The following LRRC8C variants were observed in gnomAD, a reference collection of about 807,000 sequenced individuals.
LRRC8C encodes volume-regulated anion channel subunit LRRC8C.
A neutral mutation model predicts 55.3 loss-of-function variants in LRRC8C; 20 were observed. The observed-to-expected ratio is 0.36, with a 90% CI of 0.25 to 0.53. The LOEUF is 0.53. LRRC8C is among the 20% of genes least tolerant of loss of function. The pLI, the probability that LRRC8C is intolerant of heterozygous loss-of-function variation, is 0.92. For missense variants in LRRC8C, 659 were observed against 951.4 expected (o/e 0.69, Z 4.04); for synonymous variants, 376 against 360.7 (o/e 1.04, Z -0.48).
At chr1:89,659,023 A>T (rs971630715) in intron 1 of LRRC8C, among the ~76,000 whole-genome samples, 1 of 148,872 alleles carries the variant, frequency 6.7e-6, no homozygotes, top group African/African-American at 2.5e-5. Context: ...AGTTAATAGG[A>T]AATTTTAGGT....
Position 89,710,569 on chromosome 1 carries a change from C to T in LRRC8C, c.139-2140C>T, listed in dbSNP as rs374539367. On this transcript the variant is annotated intron_variant, in intron 2 of 2. Transcript: ENST00000370454. ...TGTTTGAAGACCACTGCTGAATTCT[C>T]ACATCTCAGTAGCCACCAAATCCTC... 2.0e-4 allele frequency among the ~76,000 whole-genome samples: 30 copies of T among 152,322 alleles called. 1 individual carries two copies. The East Asian group carries it at 5.2e-3, about 26-fold the overall frequency.
At chr1:89,672,612 CAGAA>C (rs1220120335) in intron 1 of LRRC8C, among the ~76,000 whole-genome samples, 2 of 152,150 alleles carry the variant, frequency 1.3e-5, no homozygotes, top group African/African-American at 4.8e-5. Context: ...CCTCTAGAAA[CAGAA>C]AGACCAAGGA....
chr1:89,705,657 C>T (rs1311241262), intron 2 of LRRC8C, among the ~76,000 whole-genome samples: 1 of 151,594 alleles, frequency 6.6e-6, no homozygotes, highest in Non-Finnish European at 1.5e-5. Flanking sequence ...GGTGCAGGCC[C>T]GTGGTCCCAG....
intron 1 of LRRC8C, among the ~76,000 whole-genome samples, chr1:89,682,130 T>C (rs1283216179): frequency 6.6e-6 from 1 of 152,124 alleles, no homozygotes; most frequent in African/African-American, 2.4e-5. Flanking sequence ...TGAGCCGAGA[T>C]CGCGCCATTG....
At chr1:89,623,954 G>T in the LRRC8C span, among the ~76,000 whole-genome samples, 1 of 152,178 alleles carries the variant, frequency 6.6e-6, no homozygotes, top group South Asian at 2.1e-4. Context: ...TGGGATGGTG[G>T]TATAAGACGT....
intron 1 of LRRC8C, among the ~76,000 whole-genome samples, chr1:89,654,801 C>G (rs1357738664): frequency 6.6e-6 from 1 of 150,724 alleles, no homozygotes. Context: ...CTTTTAGGAT[C>G]TTCTCATTAT....
chr1:89,711,155 TAGA>T (rs1259087148), intron 2 of LRRC8C, among the ~76,000 whole-genome samples: 1 of 152,218 alleles, frequency 6.6e-6, no homozygotes, highest in Admixed American at 6.5e-5. Context: ...AACCCTGAAC[TAGA>T]AGGACTATTG....
chr1:89,650,069 T>C lies in LRRC8C; in HGVS notation c.-5+16747T>C, dbSNP rs542804268. On this transcript the variant is annotated intron_variant, in intron 1 of 2. Coordinates refer to ENST00000370454, the MANE Select transcript of LRRC8C (RefSeq NM_032270.5). Reference sequence around the variant, plus strand: ...ATATAGAACACTGTAAGTAACTGTTTACAGACACAGACAATTGTACAGGAA... The same window carrying C: ...ATATAGAACACTGTAAGTAACTGTTCACAGACACAGACAATTGTACAGGAA... Among the ~76,000 whole-genome samples, 9 of 152,314 alleles carry C rather than the reference T, an allele frequency of 5.9e-5. 1 individual carries two copies. In the South Asian group the frequency reaches 1.9e-3, roughly 32 times the overall value.
Position 89,713,949 on chromosome 1 carries a change from C to T in LRRC8C, c.1379C>T (p.Pro460Leu). ...KLEIIKNVMI[P>L]ATIAQLDNLQ... ...GAAATCATTAAGAACGTAATGATAC[C>T]AGCCACCATTGCACAGCTAGACAAT... Residue 460 changes from proline to leucine, a missense_variant, in exon 3 of 3, where the codon CCA becomes CTA. By Grantham distance (98) the Pro-to-Leu change is moderately conservative (BLOSUM62 -3). Transcript: ENST00000370454. This position sits in a 1 kb window ranked among gnomAD's most constrained non-coding sequence, Gnocchi z 5.2. 6.2e-7 allele frequency: 1 copy of T among 1,613,736 alleles called. No homozygotes were observed. Among genetic ancestry groups the T allele is most frequent in the Non-Finnish European group, 8.5e-7 (1 of 1,179,996 alleles).
chr1:89,716,131 C>G lies in LRRC8C; in HGVS notation c.*1149C>G, dbSNP rs547138335. The G allele has an allele frequency of 6.6e-6, 1 of 152,044 alleles. No homozygotes were observed. The highest frequency in any genetic ancestry group is 2.1e-4 in the South Asian group (1 of 4,826). The allele number at this position is 152,044 out of a possible 1,614,324, so 9.4% of individuals were successfully genotyped here. A position where few individuals can be genotyped will look rare whatever the true frequency, so the allele number is the denominator to read the frequency against. ...TGTCATTATTCCCTAAACAATACAG[C>G]GTAACAACTATTTAAATAGGATTTA... On this transcript the variant is annotated 3_prime_UTR_variant, in exon 3 of 3. Coordinates refer to ENST00000370454, the MANE Select transcript of LRRC8C (RefSeq NM_032270.5).
intron 1 of LRRC8C, among the ~76,000 whole-genome samples, chr1:89,678,559 G>A (rs879506998): frequency 6.6e-6 from 1 of 152,150 alleles, no homozygotes; most frequent in Non-Finnish European, 1.5e-5. Flanking sequence ...AATTAGCTGG[G>A]CATGGTGGTG....
chr1:89,659,480 C>T (rs896714200), intron 1 of LRRC8C, among the ~76,000 whole-genome samples: 11 of 152,174 alleles, frequency 7.2e-5, no homozygotes, highest in Middle Eastern at 3.4e-3. Context: ...CTTATAGTAC[C>T]TGGAGCCCAG....
chr1:89,708,180 C>A (rs1190827279), intron 2 of LRRC8C, among the ~76,000 whole-genome samples: 1 of 151,920 alleles, frequency 6.6e-6, no homozygotes, highest in Non-Finnish European at 1.5e-5. Flanking sequence ...CCTCCAAAGG[C>A]AGCTGAGAGT....
chr1:89,690,553 G>C (rs757426358), intron 2 of LRRC8C, among the ~76,000 whole-genome samples: 10 of 143,930 alleles, frequency 6.9e-5, no homozygotes, highest in African/African-American at 9.9e-5. Flanking sequence ...AGGATGAAAA[G>C]AGAAAGAACA....
chr1:89,714,334 G>A lies in LRRC8C; in HGVS notation c.1764G>A (p.Met588Ile). The part of the protein sequence containing the change: ...KLVMLNNLKK[M>I]TNLTELELVH... ...TGATGCTCAACAACTTAAAGAAGAT[G>A]ACCAATCTGACAGAGCTGGAGCTGG... The change falls in exon 3 of 3, where the codon ATG becomes ATA. Residue 588 changes from methionine to isoleucine, a missense_variant. This residue lies in a region of LRRC8C where 344 missense variants were observed against 464.6 expected (regional missense o/e 0.74). Coordinates refer to ENST00000370454, the MANE Select transcript of LRRC8C (RefSeq NM_032270.5). The surrounding 1 kb of genome is among the most constrained non-coding windows in gnomAD (Gnocchi z 4.6). 1 of 1,614,122 alleles carries A rather than the reference G, an allele frequency of 6.2e-7. No homozygotes were observed. Among genetic ancestry groups the A allele is most frequent in the Non-Finnish European group, 8.5e-7 (1 of 1,180,036 alleles).
At chr1:89,707,153 T>C (rs1658503667) in intron 2 of LRRC8C, among the ~76,000 whole-genome samples, 1 of 138,848 alleles carries the variant, frequency 7.2e-6, no homozygotes, top group African/African-American at 2.8e-5. Context: ...ATGCCTGTAA[T>C]CCCAGCACTT....
In LRRC8C at chr1:89,685,174, A is replaced by G. The variant is rs569760757; in HGVS notation, c.-4-1296A>G. ...CCCAGCAGGCCGGACTGCGGACTGC[A>G]GTGGCGCAATCTCGGCTCACTGCAA... On this transcript the variant is annotated intron_variant, in intron 1 of 2. Transcript: ENST00000370454. 1.6e-3 allele frequency among the ~76,000 whole-genome samples: 223 copies of G among 135,864 alleles called. 1 individual carries two copies. The highest frequency in any genetic ancestry group is 4.5e-3 in the Middle Eastern group (1 of 222). The allele number at this position is 135,864 out of a possible 152,430, so 89.1% of individuals were successfully genotyped here.
At chr1:89,649,617 A>G (rs932873146) in intron 1 of LRRC8C, among the ~76,000 whole-genome samples, 3 of 152,174 alleles carry the variant, frequency 2.0e-5, no homozygotes, top group Non-Finnish European at 2.9e-5. Context: ...CTTCACAGTC[A>G]TGCTAATTTC....
intron 1 of LRRC8C, among the ~76,000 whole-genome samples, chr1:89,665,198 G>T (rs1046795522): frequency 2.0e-5 from 3 of 152,168 alleles, no homozygotes; most frequent in Admixed American, 2.0e-4. Flanking sequence ...GGGTATCCTT[G>T]TCTTGTGCCA....
Sources: gnomAD v4.1 joint callset for allele counts (sites outside exome capture counted in the v4.1 genomes callset) on GRCh38, gnomAD v4.1.1 for gene constraint, gnomAD v4.1.1 regional missense constraint, Gnocchi (gnomAD v3.1) non-coding constraint, MANE v1.5 for transcripts, NCBI Gene and HGNC (gene_info 2026-07-23, HGNC 2026-07-21) for gene names.